ADAM17: variants seen among roughly 807,000 people sequenced by gnomAD.
ADAM17 encodes ADAM metallopeptidase domain 17, also known as disintegrin and metalloproteinase domain-containing protein 17.
In ADAM17, 39 loss-of-function variants were observed where a neutral mutation model predicts 96.7. The observed-to-expected ratio is 0.40, with a 90% confidence interval of 0.31 to 0.53. The LOEUF (loss-of-function observed/expected upper bound fraction) is 0.53. Ranked by LOEUF, ADAM17 falls within the 20% of genes least tolerant of loss-of-function variation. ADAM17 has a pLI of 0.44. For missense variants in ADAM17, 777 were observed against 1,013.2 expected, an observed-to-expected ratio of 0.77 and a Z score of 3.17; for synonymous variants, 344 against 359.2, an observed-to-expected ratio of 0.96 and a Z score of 0.48.
chr2:9,503,489 A>G (rs745737091), intron 12 of ADAM17, among the ~76,000 whole-genome samples: 1 of 152,232 alleles, frequency 6.6e-6, no homozygotes, highest in Non-Finnish European at 1.5e-5. Context: ...GGATGTAGCC[A>G]TAAAAAAACC....
intron 2 of ADAM17, among the ~76,000 whole-genome samples, chr2:9,540,018 TAC>T (rs60627758): frequency 0.18 from 27,443 of 152,120 alleles, 2,599 homozygotes; most frequent in Middle Eastern, 0.28. Flanking sequence ...CCTGCTTTCT[TAC>T]ACAGAGAAAA....
chr2:9,537,704 C>T (rs1394328399), intron 2 of ADAM17, among the ~76,000 whole-genome samples: 2 of 151,160 alleles, frequency 1.3e-5, no homozygotes, highest in Non-Finnish European at 2.9e-5. Context: ...TGGTTGACAG[C>T]GCGAGACTCC....
At chr2:9,526,515 G>T (rs1050719191) in intron 5 of ADAM17, among the ~76,000 whole-genome samples, 4 of 152,058 alleles carry the variant, frequency 2.6e-5, no homozygotes, top group Non-Finnish European at 4.4e-5. Context: ...ACAGAGTAAG[G>T]CCGGGCATGT....
chr2:9,517,873 CTA>C (rs1295126715), intron 10 of ADAM17, 26 bp downstream of exon 10: 1 of 1,478,640 alleles, frequency 6.8e-7, no homozygotes. Flanking sequence ...AACTCTAACA[CTA>C]TTCTTTTAGA....
intron 1 of ADAM17, among the ~76,000 whole-genome samples, chr2:9,548,919 C>T (rs1241507448): frequency 2.6e-5 from 4 of 152,260 alleles, no homozygotes; most frequent in African/African-American, 9.6e-5. Context: ...TTAGATAAAC[C>T]TTCCACTCTC....
chr2:9,523,103 G>T, intron 7 of ADAM17, 146 bp downstream of exon 7: 1 of 612,696 alleles, frequency 1.6e-6, no homozygotes, highest in Non-Finnish European at 2.8e-6. Flanking sequence ...CAAAAATACT[G>T]CACAATTCAT....
chr2:9,540,474 G>A (rs1405416146), intron 2 of ADAM17, among the ~76,000 whole-genome samples: 2 of 151,806 alleles, frequency 1.3e-5, no homozygotes, highest in Non-Finnish European at 2.9e-5. Flanking sequence ...ATAAGTACCT[G>A]ATTAACTGTA....
intron 7 of ADAM17, 98 bp downstream of exon 7, chr2:9,523,151 A>G: frequency 1.2e-6 from 1 of 858,010 alleles, no homozygotes; most frequent in South Asian, 1.8e-5. Context: ...ACTTATTTAC[A>G]ATTATTGTTA....
intron 4 of ADAM17, among the ~76,000 whole-genome samples, chr2:9,534,496 T>C (rs776675732): frequency 5.3e-5 from 8 of 151,498 alleles, no homozygotes; most frequent in South Asian, 2.1e-4. Flanking sequence ...GATCACGCCA[T>C]TGCACTCTAG....
chr2:9,521,381 C>T, intron 7 of ADAM17, 65 bp from the exon 8 acceptor site: 1 of 1,112,076 alleles, frequency 9.0e-7, no homozygotes, highest in South Asian at 1.5e-5. Context: ...CTGAATACTG[C>T]ATTATTTTAT....
chr2:9,513,672 G>T (rs997477549), intron 10 of ADAM17, among the ~76,000 whole-genome samples: 6 of 151,884 alleles, frequency 4.0e-5, no homozygotes, highest in Non-Finnish European at 8.8e-5. Flanking sequence ...GAGAATAGAG[G>T]GAAAACACAG....
intron 10 of ADAM17, among the ~76,000 whole-genome samples, chr2:9,511,590 C>T (rs1663745236): frequency 6.6e-6 from 1 of 152,220 alleles, no homozygotes; most frequent in Admixed American, 6.5e-5. Flanking sequence ...TGTACTTAAT[C>T]TATCAGATTA....
chr2:9,492,968 T>G lies in ADAM17; in HGVS notation c.2012A>C (p.Asn671Thr). 1 of 1,611,508 alleles carries G rather than the reference T, an allele frequency of 6.2e-7. No individual in the cohort carries two copies. The highest frequency in any genetic ancestry group is 1.1e-5 in the South Asian group (1 of 90,572). The change falls in exon 17 of 19, where the codon AAC (asparagine) becomes ACC (threonine). Residue 671 changes from asparagine to threonine, a missense_variant. Physicochemically the swap from Asn to Thr is moderately conservative, Grantham distance 65. Coordinates refer to ENST00000310823, the MANE Select transcript of ADAM17 (RefSeq NM_003183.6). ...GAAAACCAGGACAGACCCAACGATG[T>G]TGTCTGCTAAAAACTTTCCTGTGAA... ...INTFGKFLAD[N>T]IVGSVLVFSL... is the part of the protein sequence containing the mutation.
At chr2:9,536,894 T>C (rs1664981876) in intron 2 of ADAM17, 66 bp from the exon 3 acceptor site, 2 of 1,533,788 alleles carry the variant, frequency 1.3e-6, no homozygotes, top group East Asian at 2.3e-5. Flanking sequence ...TTCACATAAT[T>C]AAACTTTCTT....
rs1377770480 is a variant in ADAM17 at position 9,505,231 on chromosome 2, G to T, written c.1479C>A (p.Ile493=). The T allele has an allele frequency of 6.2e-7, 1 of 1,614,104 alleles. No homozygotes were observed. Among genetic ancestry groups the T allele is most frequent in the South Asian group, 1.1e-5 (1 of 91,074 alleles). Residue 493 remains isoleucine (I), a synonymous_variant, in exon 12 of 19, where the codon ATC becomes ATA. Transcript: ENST00000310823. ...VDEGEECDPG[I]MYLNNDTCCN... is the part of the protein sequence containing the mutation. Reference sequence around the variant, plus strand: ...AGCAGGTGTCGTTGTTCAGATACATGATGCCAGGATCACACTCTTCTCCTT... The same window carrying T: ...AGCAGGTGTCGTTGTTCAGATACATTATGCCAGGATCACACTCTTCTCCTT...
chr2:9,506,400 C>T (rs888668956), intron 11 of ADAM17, among the ~76,000 whole-genome samples: 1 of 118,242 alleles, frequency 8.5e-6, no homozygotes, highest in African/African-American at 3.3e-5. Flanking sequence ...TGGAGTCTTG[C>T]TCTGTCACCA....
At chr2:9,491,074 T>G in intron 18 of ADAM17, 27 bp downstream of exon 18, 1 of 1,604,396 alleles carries the variant, frequency 6.2e-7, no homozygotes, top group Non-Finnish European at 8.5e-7. Flanking sequence ...AGGCGAAGAT[T>G]ATGTTTCTTT....
intron 1 of ADAM17, among the ~76,000 whole-genome samples, chr2:9,551,605 G>A (rs1023359704): frequency 6.6e-6 from 1 of 151,976 alleles, no homozygotes; most frequent in Non-Finnish European, 1.5e-5. Context: ...GACTACAGGC[G>A]CCTGCTACCA....
At chr2:9,529,134 GA>G (rs1237972763) in intron 4 of ADAM17, among the ~76,000 whole-genome samples, 1 of 152,190 alleles carries the variant, frequency 6.6e-6, no homozygotes, top group Non-Finnish European at 1.5e-5. Flanking sequence ...ATGAACCTTG[GA>G]AACATTATTC....
Sources: gnomAD v4.1 joint callset for allele counts (sites outside exome capture counted in the v4.1 genomes callset) on GRCh38, gnomAD v4.1.1 for gene constraint, MANE v1.5 for transcripts, NCBI Gene and HGNC (gene_info 2026-07-23, HGNC 2026-07-21) for gene names.